DYNC1H1: variants seen among roughly 807,000 people sequenced by gnomAD.
DYNC1H1 encodes dynein cytoplasmic 1 heavy chain 1.
A neutral mutation model predicts 527.1 loss-of-function variants in DYNC1H1; 51 were observed. That is an observed-to-expected ratio of 0.10 (90% CI 0.08 to 0.12). The LOEUF is 0.12. Among genes scored for constraint, DYNC1H1 ranks in the 10% least tolerant of loss-of-function variants. DYNC1H1 has a pLI of 1.00. For synonymous variants in DYNC1H1, 2,189 were observed against 2,278.8 expected (o/e 0.96, Z 1.12); for missense variants, 2,771 against 5,971.8 (o/e 0.46, Z 17.66).
In DYNC1H1 at chr14:102,040,347, G is replaced by A. The variant is rs151307859; in HGVS notation, c.11802G>A (p.Ala3934=). ...GCCTGACTGTGGAGCAGGCGGAGGC[G>A]GTGGTGAGGCTGAGCTGCCTTCCCG... ...IQGLTVEQAE[A]VVRLSCLPAF... is the part of the protein sequence containing the mutation. The change falls in exon 63 of 78, where the codon GCG becomes GCA. Residue 3934 remains alanine, a synonymous_variant. Coordinates refer to ENST00000360184, the MANE Select transcript of DYNC1H1 (RefSeq NM_001376.5). The A allele has an allele frequency of 2.7e-5, 43 of 1,614,080 alleles. No homozygotes were observed. Among genetic ancestry groups the A allele is most frequent in the Admixed American group, 5.0e-5 (3 of 59,992 alleles).
At position 102,018,713 on chromosome 14, in the gene DYNC1H1, C is replaced by A; in HGVS notation, c.8343+97C>A. On this transcript the variant is annotated intron_variant, in intron 41 of 77. Transcript: ENST00000360184. This position sits in a 1 kb window ranked among gnomAD's most constrained non-coding sequence, Gnocchi z 5.2. ...TGGTGGTTCACACCTGTAATCCCAG[C>A]ATTTTGGGAGGCCAAGGTGGGTGGA... 2.0e-6 allele frequency: 3 copies of A among 1,515,022 alleles called. No homozygotes were observed. The highest frequency in any genetic ancestry group is 2.7e-6 in the Non-Finnish European group (3 of 1,122,826). The allele number at this position is 1,515,022 out of a possible 1,614,324, so 93.8% of individuals were successfully genotyped here. A position where few individuals can be genotyped will look rare whatever the true frequency, so the allele number is the denominator to read the frequency against.
chr14:101,981,491 A>G (rs939033282), intron 5 of DYNC1H1, among the ~76,000 whole-genome samples: 2 of 152,236 alleles, frequency 1.3e-5, no homozygotes, highest in African/African-American at 4.8e-5. Context: ...AGCACGTACT[A>G]GGTCTACAAT....
intron 7 of DYNC1H1, among the ~76,000 whole-genome samples, chr14:101,984,794 G>A (rs377408296): frequency 8.6e-5 from 13 of 151,234 alleles, no homozygotes; most frequent in African/African-American, 2.9e-4. Flanking sequence ...TTAGCTGGGC[G>A]TGGTGGCAGG....
chr14:102,008,210 G>T lies in DYNC1H1; in HGVS notation c.5850G>T (p.Gln1950His). The T allele has an allele frequency of 6.2e-7, 1 of 1,614,224 alleles. No homozygotes were observed. Among genetic ancestry groups the T allele is most frequent in the Non-Finnish European group, 8.5e-7 (1 of 1,180,034 alleles). ...GCCGGATCTTTGTGGGCCTTTGCCA[G>T]GTGGGTGCCTGGGGCTGCTTTGACG... Reference protein sequence around the residue: ...AMGRIFVGLCQVGAWGCFDEF... With the variant: ...AMGRIFVGLCHVGAWGCFDEF... Residue 1950 changes from glutamine (Q) to histidine (H), a missense_variant, in exon 29 of 78, where the codon CAG becomes CAT. Transcript: ENST00000360184.
intron 44 of DYNC1H1, 51 bp downstream of exon 44, chr14:102,026,758 G>T: frequency 6.3e-7 from 1 of 1,598,562 alleles, no homozygotes; most frequent in Admixed American, 1.7e-5. Context: ...CTGCTCTTGA[G>T]TAAGTGTGTG....
rs762039479 is a variant in DYNC1H1, at chr14:102,034,309, C to T, written c.10627-16C>T. On this transcript the variant is annotated splice_polypyrimidine_tract_variant and intron_variant, in intron 55 of 77. Coordinates refer to ENST00000360184, the MANE Select transcript of DYNC1H1 (RefSeq NM_001376.5). Reference sequence around the variant, plus strand: ...TGGCTGTGAAGAGGAGGAAAGGTAACGGCCTTGCCTTTCAGTTCCGTACAG... The same window carrying T: ...TGGCTGTGAAGAGGAGGAAAGGTAATGGCCTTGCCTTTCAGTTCCGTACAG... 25 of 1,614,102 alleles carry T rather than the reference C, an allele frequency of 1.5e-5. No homozygotes were observed. Among genetic ancestry groups the T allele is most frequent in the East Asian group, 8.9e-5 (4 of 44,898 alleles).
In DYNC1H1 at chr14:102,051,972, A is replaced by G. The variant is rs2048817821; in HGVS notation, c.*1409A>G. 6.6e-6 allele frequency: 1 copy of G among 152,166 alleles called. No homozygotes were observed. The allele number at this position is 152,166 out of a possible 1,614,324, so 9.4% of individuals were successfully genotyped here. Reference sequence around the variant, plus strand: ...CTCCCAAAGTGCTGAGATGACAGGCATGAGCCACTGCACCTGGCCAAATTT... The same window carrying G: ...CTCCCAAAGTGCTGAGATGACAGGCGTGAGCCACTGCACCTGGCCAAATTT... On this transcript the variant is annotated 3_prime_UTR_variant, in exon 78 of 78. Coordinates refer to ENST00000360184, the MANE Select transcript of DYNC1H1 (RefSeq NM_001376.5).
chr14:102,034,508 A>AT (rs2048548256), intron 56 of DYNC1H1, 56 bp downstream of exon 56: 1 of 1,610,684 alleles, frequency 6.2e-7, no homozygotes, highest in African/African-American at 1.3e-5. Flanking sequence ...GTGATCTTGA[A>AT]TTTTTTTCAA....
In DYNC1H1 at chr14:102,016,164, C is replaced by T. The variant is rs2048319740; in HGVS notation, c.7473+78C>T. 6.5e-7 allele frequency: 1 copy of T among 1,532,582 alleles called. No homozygotes were observed. The highest frequency in any genetic ancestry group is 1.4e-5 in the African/African-American group (1 of 72,650). The allele number at this position is 1,532,582 out of a possible 1,614,324, so 94.9% of individuals were successfully genotyped here. A position where few individuals can be genotyped will look rare whatever the true frequency, so the allele number is the denominator to read the frequency against. ...TCTGAGGACCTCTGAAATGCTGCACCTGTGGGGATGTGCGCTCTCTCCTAG... is the reference window on the plus strand; with the variant it reads ...TCTGAGGACCTCTGAAATGCTGCACTTGTGGGGATGTGCGCTCTCTCCTAG... On this transcript the variant is annotated intron_variant, in intron 36 of 77. Transcript: ENST00000360184. The surrounding 1 kb of genome is among the most constrained non-coding windows in gnomAD (Gnocchi z 7.3).
intron 16 of DYNC1H1, among the ~76,000 whole-genome samples, chr14:101,998,165 C>T (rs906399027): frequency 6.6e-6 from 1 of 152,102 alleles, no homozygotes; most frequent in African/African-American, 2.4e-5. Flanking sequence ...CTGGACCCCT[C>T]TCCCCTCTAT....
intron 2 of DYNC1H1, among the ~76,000 whole-genome samples, chr14:101,977,702 G>T (rs1402009349): frequency 1.3e-5 from 2 of 152,152 alleles, no homozygotes; most frequent in South Asian, 4.1e-4. Flanking sequence ...TTCAGCCTTT[G>T]TGTACCTTTT....
chr14:102,043,354 T>G, intron 69 of DYNC1H1: 1 of 226,292 alleles, frequency 4.4e-6, no homozygotes, highest in Non-Finnish European at 8.8e-6. Context: ...TTTCCTTCCT[T>G]TGAGCAGGTT....
Position 101,965,024 on chromosome 14 carries a change from C to CGACCCCGG in DYNC1H1, c.256+77_256+78insGACCCCGG. 1 of 1,462,336 alleles carries CGACCCCGG rather than the reference C, an allele frequency of 6.8e-7. No individual in the cohort carries two copies. The highest frequency in any genetic ancestry group is 9.2e-7 in the Non-Finnish European group (1 of 1,084,728). The allele number at this position is 1,462,336 out of a possible 1,614,324, so 90.6% of individuals were successfully genotyped here. A position where few individuals can be genotyped will look rare whatever the true frequency, so the allele number is the denominator to read the frequency against. On this transcript the variant is annotated intron_variant, in intron 1 of 77. Coordinates refer to ENST00000360184, the MANE Select transcript of DYNC1H1 (RefSeq NM_001376.5). This position sits in a 1 kb window ranked among gnomAD's most constrained non-coding sequence, Gnocchi z 4.1. ...GGGCCTGCCAGGTCCTCCGGGGTCGCAGATGTCCCCGGGATGGGAGGAGCC... is the reference window on the plus strand; with the variant it reads ...GGGCCTGCCAGGTCCTCCGGGGTCGCGACCCCGGAGATGTCCCCGGGATGGGAGGAGCC...
Position 102,005,203 on chromosome 14 carries a change from G to A in DYNC1H1, c.5400G>A (p.Gln1800=), listed in dbSNP as rs2048183379. 6.2e-7 allele frequency: 1 copy of A among 1,614,178 alleles called. No homozygotes were observed. The highest frequency in any genetic ancestry group is 8.5e-7 in the Non-Finnish European group (1 of 1,180,042). Residue 1800 remains glutamine, a synonymous_variant, in exon 26 of 78, where the codon CAG becomes CAA. Transcript: ENST00000360184. The surrounding 1 kb of genome is among the most constrained non-coding windows in gnomAD (Gnocchi z 4.0). ...TAGCAGACTCTGTCCTCATGGAGCA[G>A]CCCCCACTCCGAAGGCGGAAGCTAG... is the stretch of plus-strand genomic sequence containing the variant. ...NVLADSVLME[Q]PPLRRRKLEH... is the part of the protein sequence containing the mutation.
rs777895943 is a variant in DYNC1H1, at chr14:102,004,922, C to A, written c.5210C>A (p.Thr1737Asn). Residue 1737 changes from threonine (T) to asparagine (N), a missense_variant, in exon 25 of 78, where the codon ACC becomes AAC. Physicochemically the swap from Thr to Asn is moderately conservative, Grantham distance 65. Around this residue, in one of 32 missense-constraint regions of DYNC1H1, gnomAD observed 105 missense variants for 138.1 expected, o/e 0.76. Coordinates refer to ENST00000360184, the MANE Select transcript of DYNC1H1 (RefSeq NM_001376.5). ...AAAGCAACTTCAATTGACCCAAATA[C>A]CTACATCACTTGGATTGATAAATAC... ...FGKATSIDPN[T>N]YITWIDKYQA... 3 of 1,614,196 alleles carry A rather than the reference C, an allele frequency of 1.9e-6. No homozygotes were observed. Among genetic ancestry groups the A allele is most frequent in the Non-Finnish European group, 2.5e-6 (3 of 1,180,052 alleles).
chr14:102,050,630 A>AT lies in DYNC1H1; in HGVS notation c.*70dup. The stretch of plus-strand genomic sequence containing the variant: ...TTTAACATTTATTCATTTTTAAAAT[A>AT]TTTGGAAGGTCTGAGCTTGTGAAAA... On this transcript the variant is annotated 3_prime_UTR_variant, in exon 78 of 78. Transcript: ENST00000360184. The AT allele has an allele frequency of 1.2e-6, 2 of 1,612,032 alleles. No individual in the cohort carries two copies. The highest frequency in any genetic ancestry group is 3.3e-5 in the Admixed American group (2 of 59,992).
chr14:102,029,267 T>C lies in DYNC1H1; in HGVS notation c.9469-272T>C, dbSNP rs1289099834. The C allele has an allele frequency of 2.0e-6, 1 of 495,218 alleles. No homozygotes were observed. The highest frequency in any genetic ancestry group is 3.7e-6 in the Non-Finnish European group (1 of 272,258). The allele number at this position is 495,218 out of a possible 1,614,324, so 30.7% of individuals were successfully genotyped here. A position where few individuals can be genotyped will look rare whatever the true frequency, so the allele number is the denominator to read the frequency against. On this transcript the variant is annotated intron_variant, in intron 48 of 77. Transcript: ENST00000360184. The surrounding 1 kb of genome is among the most constrained non-coding windows in gnomAD (Gnocchi z 5.3). ...GCTAACCTTTCTATAGTAACTGACATTTGTGATGCCTTTTCACATAAGTAC... is the reference window on the plus strand; with the variant it reads ...GCTAACCTTTCTATAGTAACTGACACTTGTGATGCCTTTTCACATAAGTAC...
intron 51 of DYNC1H1, among the ~76,000 whole-genome samples, chr14:102,031,553 T>G (rs564952817): frequency 2.0e-5 from 3 of 152,316 alleles, no homozygotes; most frequent in Admixed American, 1.3e-4. Flanking sequence ...AACTGTTAAC[T>G]CCACGTCTTT....
chr14:102,050,598 G>T lies in DYNC1H1; in HGVS notation c.*35G>T. ...GCTGCCCCTTTCTGTAATAGTGAAA[G>T]TTGGTATTTAACATTTATTCATTTT... On this transcript the variant is annotated 3_prime_UTR_variant, in exon 78 of 78. Coordinates refer to ENST00000360184, the MANE Select transcript of DYNC1H1 (RefSeq NM_001376.5). The T allele has an allele frequency of 6.2e-7, 1 of 1,614,096 alleles. No homozygotes were observed. The highest frequency in any genetic ancestry group is 8.5e-7 in the Non-Finnish European group (1 of 1,179,946).
Sources: gnomAD v4.1 joint callset for allele counts (sites outside exome capture counted in the v4.1 genomes callset) on GRCh38, gnomAD v4.1.1 for gene constraint, gnomAD v4.1.1 regional missense constraint, Gnocchi (gnomAD v3.1) non-coding constraint, MANE v1.5 for transcripts, NCBI Gene and HGNC (gene_info 2026-07-23, HGNC 2026-07-21) for gene names.